The following ARMH1 variants were observed in gnomAD, a reference collection of about 807,000 sequenced individuals.
The protein encoded by ARMH1 is armadillo-like helical domain containing protein 1.
In ARMH1, 34 loss-of-function variants were observed where a neutral mutation model predicts 50.2. The ratio of observed to expected loss-of-function variants is 0.68; its 90% CI spans 0.51 to 0.90. The LOEUF (loss-of-function observed/expected upper bound fraction) is 0.90, where lower values mean the gene tolerates loss of function less well. Ranked by LOEUF, ARMH1 falls within the 40% of genes least tolerant of loss-of-function variation. ARMH1 has a pLI of 0.00. For synonymous variants in ARMH1, 221 were observed against 224.2 expected (o/e 0.99, Z 0.13); for missense variants, 538 against 553.9 (o/e 0.97, Z 0.29).
intron 6 of ARMH1, among the ~76,000 whole-genome samples, chr1:44,719,727 C>T (rs745550170): frequency 2.0e-5 from 3 of 152,248 alleles, no homozygotes; most frequent in Non-Finnish European, 4.4e-5. Flanking sequence ...TGTAAATCCA[C>T]GCAGTCCACA....
intron 3 of ARMH1, 138 bp downstream of exon 3, chr1:44,697,308 T>C: frequency 2.9e-6 from 2 of 681,502 alleles, no homozygotes; most frequent in Non-Finnish European, 5.2e-6. Flanking sequence ...GGCCCAGAGG[T>C]AATGTCCACC....
chr1:44,689,639 C>T, intron 1 of ARMH1, 37 bp from the exon 2 acceptor site: 7 of 1,467,978 alleles, frequency 4.8e-6, no homozygotes, highest in Non-Finnish European at 5.6e-6. Flanking sequence ...TGATTCTAAA[C>T]ATTCCGGTAA....
At chr1:44,697,871 C>A (rs1225039394) in intron 3 of ARMH1, among the ~76,000 whole-genome samples, 192 bp from the exon 4 acceptor site, 1 of 152,212 alleles carries the variant, frequency 6.6e-6, no homozygotes, top group Non-Finnish European at 1.5e-5. Context: ...AAACCAAGAA[C>A]TGTCCCTAGT....
chr1:44,697,241 C>T (rs1645857656), intron 3 of ARMH1, 71 bp downstream of exon 3: 3 of 1,232,624 alleles, frequency 2.4e-6, no homozygotes, highest in African/African-American at 3.0e-5. Context: ...TTGGCATTCA[C>T]ACCACCCAGG....
chr1:44,708,032 C>T (rs1376502440), intron 6 of ARMH1, among the ~76,000 whole-genome samples: 1 of 152,188 alleles, frequency 6.6e-6, no homozygotes, highest in Non-Finnish European at 1.5e-5. Context: ...CTTCCTATAA[C>T]TCCAAATGTA....
intron 6 of ARMH1, among the ~76,000 whole-genome samples, chr1:44,706,014 T>C (rs1396067059): frequency 6.6e-6 from 1 of 152,068 alleles, no homozygotes; most frequent in Admixed American, 6.5e-5. Flanking sequence ...GGTCTATGTC[T>C]AGGAAAGGTA....
intron 5 of ARMH1, among the ~76,000 whole-genome samples, chr1:44,702,579 G>T (rs899066672): frequency 1.3e-5 from 2 of 151,936 alleles, no homozygotes; most frequent in African/African-American, 4.8e-5. Flanking sequence ...GGGCGTGGTG[G>T]TGTGTGCCTG....
In ARMH1 at chr1:44,725,469, C is replaced by A; in HGVS notation, c.*66C>A. ...AGGGAAGCCTGGCAAGAGGAAGGCG[C>A]CTGGGGTCAAGCTCAGAGCCACTCC... On this transcript the variant is annotated 3_prime_UTR_variant, in exon 12 of 12. Coordinates refer to ENST00000535358, the MANE Select transcript of ARMH1 (RefSeq NM_001145636.2). 6.7e-7 allele frequency: 1 copy of A among 1,492,266 alleles called. No individual in the cohort carries two copies. The highest frequency in any genetic ancestry group is 9.1e-7 in the Non-Finnish European group (1 of 1,094,786). 92.4% of individuals were successfully genotyped at this position (1,492,266 alleles called of 1,614,324 possible).
Position 44,688,937 on chromosome 1 carries a change from G to A in ARMH1, c.-22-739G>A, listed in dbSNP as rs573522706. Reference sequence around the variant, plus strand: ...GTAAAAGCCCGAGGTACAAGGTTAAGGAGCACTTTAACTTAGGTGATTGGC... The same window carrying A: ...GTAAAAGCCCGAGGTACAAGGTTAAAGAGCACTTTAACTTAGGTGATTGGC... On this transcript the variant is annotated intron_variant, in intron 1 of 11. Coordinates refer to ENST00000535358, the MANE Select transcript of ARMH1 (RefSeq NM_001145636.2). Among the ~76,000 whole-genome samples, 9 of 152,286 alleles carry A rather than the reference G, an allele frequency of 5.9e-5. No homozygotes were observed. In the Middle Eastern group the frequency reaches 0.01, roughly 174 times the overall value.
At chr1:44,697,003 T>G in intron 2 of ARMH1, 99 bp from the exon 3 acceptor site, 2 of 831,444 alleles carry the variant, frequency 2.4e-6, no homozygotes, top group Non-Finnish European at 2.0e-6. Context: ...TTCAGCTACT[T>G]GGCCACCCTG....
At chr1:44,712,795 C>T (rs1194033601) in intron 6 of ARMH1, among the ~76,000 whole-genome samples, 3 of 151,280 alleles carry the variant, frequency 2.0e-5, no homozygotes, top group East Asian at 2.0e-4. Context: ...TCCCAAGAAG[C>T]TGGGATTACA....
chr1:44,690,385 G>A (rs1396130874), intron 2 of ARMH1, among the ~76,000 whole-genome samples: 1 of 152,082 alleles, frequency 6.6e-6, no homozygotes, highest in African/African-American at 2.4e-5. Context: ...AGCTTCCTGT[G>A]TTCCCAACCT....
At chr1:44,685,634 C>CT (rs531526155) in intron 1 of ARMH1, among the ~76,000 whole-genome samples, 10,014 of 139,430 alleles carry the variant, frequency 0.072, 892 homozygotes, top group African/African-American at 0.2. Context: ...CTTTTTTTTT[C>CT]TTTTTTTTTT....
At chr1:44,717,369 C>G (rs1184223566) in intron 6 of ARMH1, among the ~76,000 whole-genome samples, 2 of 152,208 alleles carry the variant, frequency 1.3e-5, no homozygotes, top group African/African-American at 4.8e-5. Context: ...CCTTGCCTGG[C>G]CACAAATGTG....
intron 6 of ARMH1, chr1:44,721,709 A>G (rs907559770): frequency 1.3e-5 from 2 of 152,150 alleles, no homozygotes; most frequent in African/African-American, 4.8e-5. Context: ...AACCTGGGTG[A>G]CATTTGTGGA....
At chr1:44,688,657 T>C (rs1645553487) in intron 1 of ARMH1, among the ~76,000 whole-genome samples, 1 of 152,240 alleles carries the variant, frequency 6.6e-6, no homozygotes, top group South Asian at 2.1e-4. Flanking sequence ...ATGTGAAATA[T>C]GACTTTCACT....
At chr1:44,714,812 A>AT (rs920317055) in intron 6 of ARMH1, among the ~76,000 whole-genome samples, 24 of 149,656 alleles carry the variant, frequency 1.6e-4, no homozygotes, top group Admixed American at 4.0e-4. Context: ...TGCCTGGCTA[A>AT]TTTTTTTTTT....
At chr1:44,709,541 ATGCG>A (rs1557549547) in intron 6 of ARMH1, among the ~76,000 whole-genome samples, 1 of 151,776 alleles carries the variant, frequency 6.6e-6, no homozygotes, top group Non-Finnish European at 1.5e-5. Context: ...GCGTAGTGGC[ATGCG>A]CCTGTAGTCC....
Position 44,682,694 on chromosome 1 carries a change from G to A in ARMH1, c.-22-6982G>A, listed in dbSNP as rs1645350807. Among the ~76,000 whole-genome samples the A allele has an allele frequency of 1.3e-5, 2 of 152,184 alleles. No homozygotes were observed. The highest frequency in any genetic ancestry group is 1.3e-4 in the Admixed American group (2 of 15,280). On this transcript the variant is annotated intron_variant, in intron 1 of 11. Coordinates refer to ENST00000535358, the MANE Select transcript of ARMH1 (RefSeq NM_001145636.2). This position sits in a 1 kb window ranked among gnomAD's most constrained non-coding sequence, Gnocchi z 4.5. ...TAATCCCAGTACTTTGGGAGGCCGA[G>A]GCAGGAGGATTGCTTGAGCCCAGGA...
Sources: gnomAD v4.1 joint callset for allele counts (sites outside exome capture counted in the v4.1 genomes callset) on GRCh38, gnomAD v4.1.1 for gene constraint, Gnocchi (gnomAD v3.1) non-coding constraint, MANE v1.5 for transcripts, NCBI Gene and HGNC (gene_info 2026-07-23, HGNC 2026-07-21) for gene names.